The following COLGALT2 variants were observed in gnomAD, a reference collection of about 807,000 sequenced individuals.
COLGALT2 encodes the protein collagen beta(1-O)galactosyltransferase 2.
COLGALT2 carries 49 observed loss-of-function variants against 73.4 expected under a neutral mutation model. The ratio of observed to expected loss-of-function variants is 0.67; its 90% CI spans 0.53 to 0.85. The LOEUF is 0.85. COLGALT2 is among the 40% of genes least tolerant of loss of function. The probability of loss-of-function intolerance (pLI) is 0.00; values close to 1 mark genes in which losing one functional copy is unlikely to be tolerated. For missense variants in COLGALT2, 722 were observed against 790.2 expected (o/e 0.91, Z 1.03); for synonymous variants, 295 against 307.6 (o/e 0.96, Z 0.43).
intron 1 of COLGALT2, among the ~76,000 whole-genome samples, chr1:184,002,233 G>A (rs961283020): frequency 6.6e-6 from 1 of 152,138 alleles, no homozygotes; most frequent in Admixed American, 6.5e-5. Flanking sequence ...AACAATAAAC[G>A]AAGTCCACTT....
intron 11 of COLGALT2, among the ~76,000 whole-genome samples, chr1:183,939,845 ATGATTTAGGAGCTGCTGTTATG>A (rs1231535788): frequency 6.6e-6 from 1 of 152,238 alleles, no homozygotes; most frequent in African/African-American, 2.4e-5. Flanking sequence ...TCATTCATTA[ATGATTTAGGAGCTGCTGTTATG>A]TGTAGCATTT....
chr1:183,970,343 A>C (rs1671003093), intron 4 of COLGALT2, among the ~76,000 whole-genome samples: 1 of 152,232 alleles, frequency 6.6e-6, no homozygotes, highest in South Asian at 2.1e-4. Context: ...GTTCTAGGTG[A>C]TGGCAGGCTC....
intron 4 of COLGALT2, among the ~76,000 whole-genome samples, chr1:183,972,807 C>A (rs1225171063): frequency 6.6e-6 from 1 of 152,058 alleles, no homozygotes; most frequent in African/African-American, 2.4e-5. Context: ...TCACGCCATT[C>A]TCCTGCCTCA....
chr1:183,960,290 T>C (rs1003583840), intron 6 of COLGALT2, among the ~76,000 whole-genome samples: 2 of 152,208 alleles, frequency 1.3e-5, no homozygotes, highest in Non-Finnish European at 2.9e-5. Flanking sequence ...GAATACTTCG[T>C]CTTTTCTTGG....
chr1:184,034,335 C>T (rs1209960486), intron 1 of COLGALT2, among the ~76,000 whole-genome samples: 2 of 150,538 alleles, frequency 1.3e-5, no homozygotes, highest in African/African-American at 2.4e-5. Context: ...TAGAGCCATC[C>T]TTCTTTCCCA....
intron 1 of COLGALT2, among the ~76,000 whole-genome samples, chr1:184,023,682 C>T (rs1289343720): frequency 2.0e-5 from 3 of 150,842 alleles, no homozygotes; most frequent in Non-Finnish European, 4.4e-5. Flanking sequence ...CTAGGGAAGA[C>T]TTGCACTTAC....
rs1272537169 is a variant in COLGALT2, at chr1:183,978,433, C to A, written c.351G>T (p.Glu117Asp). The change falls in exon 2 of 12, where the codon GAG becomes GAT. Residue 117 changes from glutamate (E) to aspartate (D), a missense_variant. By Grantham distance (45) the Glu-to-Asp change is conservative (BLOSUM62 2). Coordinates refer to ENST00000361927, the MANE Select transcript of COLGALT2 (RefSeq NM_015101.4). ...ACTCTGGTTCATCCATAGGCCTCCA[C>A]TCCACATAGTGATAGAGTCTCTGTA... Reference protein sequence around the residue: ...KNVQRLYHYVEWRPMDEPESY... With the variant: ...KNVQRLYHYVDWRPMDEPESY... 1 of 1,608,146 alleles carries A rather than the reference C, an allele frequency of 6.2e-7. No homozygotes were observed. Among genetic ancestry groups the A allele is most frequent in the African/African-American group, 1.3e-5 (1 of 74,772 alleles).
rs115412672 is a variant in COLGALT2 at position 183,999,056 on chromosome 1, A to G, written c.264-20536T>C. ...ACCTTTTACTTCCTTTATTTATAGCATTTCACCATCAAATATGATATTTGT... is the reference window on the plus strand; with the variant it reads ...ACCTTTTACTTCCTTTATTTATAGCGTTTCACCATCAAATATGATATTTGT... On this transcript the variant is annotated intron_variant, in intron 1 of 11. Coordinates refer to ENST00000361927, the MANE Select transcript of COLGALT2 (RefSeq NM_015101.4). Among the ~76,000 whole-genome samples the G allele has an allele frequency of 1.0e-2, 1,513 of 151,840 alleles. 28 individuals carry two copies. Among genetic ancestry groups the G allele is most frequent in the African/African-American group, 0.035 (1,443 of 41,406 alleles).
chr1:184,005,914 T>C (rs1323110519), intron 1 of COLGALT2, among the ~76,000 whole-genome samples: 1 of 152,164 alleles, frequency 6.6e-6, no homozygotes, highest in African/African-American at 2.4e-5. Flanking sequence ...TTAATCTGTT[T>C]GCTATCATAG....
intron 1 of COLGALT2, among the ~76,000 whole-genome samples, chr1:183,991,928 C>T (rs1662515825): frequency 6.6e-6 from 1 of 152,056 alleles, no homozygotes; most frequent in African/African-American, 2.4e-5. Context: ...GTGCTCCTAA[C>T]ATTCCCAGGG....
intron 4 of COLGALT2, among the ~76,000 whole-genome samples, chr1:183,970,085 C>T (rs1670994766): frequency 6.6e-6 from 1 of 152,158 alleles, no homozygotes; most frequent in Admixed American, 6.5e-5. Flanking sequence ...ATTAAACATG[C>T]ATTACTTAGA....
chr1:184,017,586 C>T (rs1649045194), intron 1 of COLGALT2, among the ~76,000 whole-genome samples: 2 of 152,176 alleles, frequency 1.3e-5, no homozygotes, highest in Admixed American at 6.5e-5. Flanking sequence ...ATCACAGATA[C>T]GTCCAGGGCC....
intron 1 of COLGALT2, among the ~76,000 whole-genome samples, chr1:183,993,563 C>A (rs574870663): frequency 6.6e-6 from 1 of 152,046 alleles, no homozygotes; most frequent in Non-Finnish European, 1.5e-5. Flanking sequence ...AAAAAAGGAC[C>A]CAATGACTCC....
chr1:183,963,680 C>T (rs926228904), intron 6 of COLGALT2, among the ~76,000 whole-genome samples: 3 of 152,320 alleles, frequency 2.0e-5, no homozygotes, highest in South Asian at 2.1e-4. Context: ...GTGTACCCAG[C>T]GCTCTTCCAG....
At position 183,983,277 on chromosome 1, in the gene COLGALT2, G is replaced by A. The variant is rs111998781; in HGVS notation, c.264-4757C>T. Reference sequence around the variant, plus strand: ...ACACTCATTCCCAGAGGAGGAAGAGGAGGAAGAGCAGTGAGGGCCACACCA... The same window carrying A: ...ACACTCATTCCCAGAGGAGGAAGAGAAGGAAGAGCAGTGAGGGCCACACCA... On this transcript the variant is annotated intron_variant, in intron 1 of 11. Transcript: ENST00000361927. Among the ~76,000 whole-genome samples, 62 of 152,266 alleles carry A rather than the reference G, an allele frequency of 4.1e-4. 1 individual carries two copies. The highest frequency in any genetic ancestry group is 1.4e-3 in the African/African-American group (60 of 41,542).
chr1:184,025,772 C>T (rs1467329069), intron 1 of COLGALT2, among the ~76,000 whole-genome samples: 2 of 152,170 alleles, frequency 1.3e-5, no homozygotes, highest in South Asian at 2.1e-4. Context: ...TAAAATACCA[C>T]GAGCTTCCTA....
At chr1:183,966,367 G>A (rs1005470137) in intron 5 of COLGALT2, among the ~76,000 whole-genome samples, 2 of 152,132 alleles carry the variant, frequency 1.3e-5, no homozygotes, top group Non-Finnish European at 2.9e-5. Flanking sequence ...ACATTTTCTT[G>A]TACTCATATA....
At position 183,954,826 on chromosome 1, in the gene COLGALT2, G is replaced by T. The variant is rs759870668; in HGVS notation, c.965C>A (p.Pro322Gln). The T allele has an allele frequency of 6.2e-7, 1 of 1,613,008 alleles. No individual in the cohort carries two copies. Among genetic ancestry groups the T allele is most frequent in the Non-Finnish European group, 8.5e-7 (1 of 1,179,144 alleles). ...VQIEAMIDRP[P>Q]MEPSQYVSVV... The stretch of plus-strand genomic sequence containing the variant: ...TGAGACATACTGGGAGGGTTCCATT[G>T]GAGGACGGTCAACTGGAAGACACAA... Residue 322 changes from proline to glutamine, a missense_variant, in exon 7 of 12, where the codon CCA (proline) becomes CAA (glutamine). By Grantham distance (76) the Pro-to-Gln change is moderately conservative. Transcript: ENST00000361927.
In COLGALT2 at chr1:183,938,535, A is replaced by AG; in HGVS notation, c.*225_*226insC. On this transcript the variant is annotated 3_prime_UTR_variant, in exon 12 of 12. Transcript: ENST00000361927. ...ATTACAGTTTATCTTAACAGTTTCC[A>AG]AAAAACCTGTCTTTCAGCCGTCTTG... The AG allele has an allele frequency of 7.1e-7, 1 of 1,403,604 alleles. No homozygotes were observed. Among genetic ancestry groups the AG allele is most frequent in the Non-Finnish European group, 9.2e-7 (1 of 1,081,788 alleles). The allele number at this position is 1,403,604 out of a possible 1,614,324, so 86.9% of individuals were successfully genotyped here.
Sources: allele counts gnomAD v4.1 joint callset (sites outside exome capture counted in the v4.1 genomes callset), GRCh38; gene constraint gnomAD v4.1.1; transcripts MANE v1.5; gene names NCBI Gene and HGNC (gene_info 2026-07-23, HGNC 2026-07-21).